Variants in MIGA1 observed in about 807,000 individuals in gnomAD.
MIGA1 encodes the protein family with sequence similarity 73, member A.
Under a neutral mutation model 82.0 loss-of-function variants are expected in MIGA1, and 58 were observed. The ratio of observed to expected loss-of-function variants is 0.71; its 90% CI spans 0.57 to 0.88. The LOEUF (loss-of-function observed/expected upper bound fraction) is 0.88, where lower values mean the gene tolerates loss of function less well. Among genes scored for constraint, MIGA1 ranks in the 40% least tolerant of loss-of-function variants. The pLI is 0.00. For missense variants in MIGA1, 751 were observed against 749.1 expected (o/e 1.00, Z -0.03); for synonymous variants, 249 against 253.6 (o/e 0.98, Z 0.17).
chr1:77,810,936 A>G, intron 5 of MIGA1: 1 of 1,611,986 alleles, frequency 6.2e-7, no homozygotes, highest in Non-Finnish European at 8.5e-7. Context: ...TCTTTCTTTT[A>G]AAGTCAGTGG....
intron 2 of MIGA1, among the ~76,000 whole-genome samples, chr1:77,788,871 A>T (rs1211962177): frequency 6.6e-6 from 1 of 152,100 alleles, no homozygotes; most frequent in East Asian, 1.9e-4. Flanking sequence ...TTCTTTTTCA[A>T]GTTTATTTTG....
intron 8 of MIGA1, among the ~76,000 whole-genome samples, chr1:77,845,236 C>T (rs1352948872): frequency 6.6e-6 from 1 of 152,128 alleles, no homozygotes; most frequent in African/African-American, 2.4e-5. Context: ...TTGCAGTAGA[C>T]AGAATATATT....
In MIGA1 at chr1:77,783,362, GA is replaced by G; in HGVS notation, c.195+13del. On this transcript the variant is annotated intron_variant, in intron 2 of 15. Transcript: ENST00000370791. ...TATTCTCTCTCCCAGGTAAATAAAA[GA>G]AGCAAACAGGAAGTTGAATATTAAG... 6.8e-7 allele frequency: 1 copy of G among 1,479,864 alleles called. No homozygotes were observed. Among genetic ancestry groups the G allele is most frequent in the Non-Finnish European group, 9.3e-7 (1 of 1,072,814 alleles). The allele number at this position is 1,479,864 out of a possible 1,614,324, so 91.7% of individuals were successfully genotyped here. A position where few individuals can be genotyped will look rare whatever the true frequency, so the allele number is the denominator to read the frequency against.
rs1423039149 is a variant in MIGA1 at position 77,848,371 on chromosome 1, G to A, written c.996+4964G>A. ...GAGAAAGGAGAGAAGGAAGAGAAAA[G>A]CAAAGCAAAGGAAGAGCGTATGAAA... On this transcript the variant is annotated intron_variant, in intron 8 of 15. Transcript: ENST00000370791. The A allele has an allele frequency of 1.5e-5, 17 of 1,110,572 alleles. 1 individual carries two copies. In the East Asian group the frequency reaches 1.8e-4, roughly 12 times the overall value. The allele number at this position is 1,110,572 out of a possible 1,614,324, so 68.8% of individuals were successfully genotyped here.
intron 8 of MIGA1, among the ~76,000 whole-genome samples, chr1:77,858,191 A>G (rs1319195459): frequency 6.6e-6 from 1 of 152,118 alleles, no homozygotes; most frequent in Non-Finnish European, 1.5e-5. Flanking sequence ...TACTAAAAAT[A>G]CAAAAATTAG....
chr1:77,801,084 T>C (rs1682862324), intron 2 of MIGA1, among the ~76,000 whole-genome samples: 1 of 152,196 alleles, frequency 6.6e-6, no homozygotes, highest in Non-Finnish European at 1.5e-5. Flanking sequence ...AATTATTTTC[T>C]GCTCCTATTG....
At chr1:77,824,983 CTT>C (rs11375207) in intron 7 of MIGA1, among the ~76,000 whole-genome samples, 3 of 103,146 alleles carry the variant, frequency 2.9e-5, no homozygotes, top group Non-Finnish European at 5.7e-5. Flanking sequence ...TTCTATTCCT[CTT>C]TTTTTTTTTT....
intron 7 of MIGA1, among the ~76,000 whole-genome samples, chr1:77,816,698 A>G (rs187019093): frequency 1.3e-5 from 2 of 152,238 alleles, no homozygotes; most frequent in Non-Finnish European, 2.9e-5. Context: ...ATTACAGTCT[A>G]GAAAAAAAGT....
At position 77,843,332 on chromosome 1, in the gene MIGA1, G is replaced by A; in HGVS notation, c.921G>A (p.Lys307=). The A allele has an allele frequency of 6.2e-7, 1 of 1,613,652 alleles. No individual in the cohort carries two copies. Among genetic ancestry groups the A allele is most frequent in the South Asian group, 1.1e-5 (1 of 91,058 alleles). ...ATAAAGATACAGATATCACCATGAA[G>A]GGTAATGTGGAAGACTTTGGCCTGC... Residue 307 remains lysine, a synonymous_variant, in exon 8 of 16, where the codon AAG becomes AAA. Transcript: ENST00000370791.
At chr1:77,844,975 C>T (rs1017315852) in intron 8 of MIGA1, among the ~76,000 whole-genome samples, 1 of 152,172 alleles carries the variant, frequency 6.6e-6, no homozygotes, top group African/African-American at 2.4e-5. Context: ...GAGTGAGACT[C>T]TGTCTCACAC....
intron 1 of MIGA1, chr1:77,783,005 T>C (rs77514419): frequency 6.1e-6 from 1 of 162,778 alleles, no homozygotes; most frequent in Non-Finnish European, 1.2e-5. Flanking sequence ...TAAATCTAGC[T>C]TTTTTTTTTT....
At chr1:77,847,695 C>A (rs975908786) in intron 8 of MIGA1, 24 of 1,579,886 alleles carry the variant, frequency 1.5e-5, no homozygotes, top group Non-Finnish European at 2.1e-5. Context: ...TAGACACTTA[C>A]TAAATCAAGC....
At chr1:77,794,319 G>C (rs1039556944) in intron 2 of MIGA1, among the ~76,000 whole-genome samples, 1 of 151,956 alleles carries the variant, frequency 6.6e-6, no homozygotes, top group Non-Finnish European at 1.5e-5. Context: ...TATCCTTCAG[G>C]ATCTTATCTA....
In MIGA1 at chr1:77,840,547, C is replaced by G. The variant is rs140562228; in HGVS notation, c.896-2760C>G. On this transcript the variant is annotated intron_variant, in intron 7 of 15. Coordinates refer to ENST00000370791, the MANE Select transcript of MIGA1 (RefSeq NM_198549.4). ...CGGCCGGGTGCAGTGGCTCTCACAC[C>G]TGTAATCCCAGTACTTTAGGAGGCG... 4.7e-3 allele frequency among the ~76,000 whole-genome samples: 709 copies of G among 152,232 alleles called. 5 individuals carry two copies. The highest frequency in any genetic ancestry group is 0.016 in the African/African-American group (676 of 41,538).
chr1:77,782,071 A>T (rs542945947), intron 1 of MIGA1, among the ~76,000 whole-genome samples: 2 of 152,012 alleles, frequency 1.3e-5, no homozygotes, highest in African/African-American at 4.8e-5. Flanking sequence ...GACTCAAGCA[A>T]TCCACCCATC....
chr1:77,792,015 T>C (rs1469768051), intron 2 of MIGA1, among the ~76,000 whole-genome samples: 1 of 152,228 alleles, frequency 6.6e-6, no homozygotes, highest in African/African-American at 2.4e-5. Context: ...TGTTCTAATA[T>C]AACTGAACAA....
intron 7 of MIGA1, 86 bp downstream of exon 7, chr1:77,815,317 T>A: frequency 2.7e-6 from 3 of 1,102,744 alleles, no homozygotes; most frequent in South Asian, 2.9e-5. Flanking sequence ...GTCTGTCTTA[T>A]GTAATAATAG....
chr1:77,813,917 T>C, intron 6 of MIGA1, 50 bp downstream of exon 6: 2 of 1,532,676 alleles, frequency 1.3e-6, no homozygotes, highest in Non-Finnish European at 1.8e-6. Flanking sequence ...AGAATCAAAC[T>C]TTTTTTTTGT....
At chr1:77,805,461 C>CTTTTTTTTTT (rs11408292) in intron 4 of MIGA1, among the ~76,000 whole-genome samples, 369 of 109,438 alleles carry the variant, frequency 3.4e-3, no homozygotes, top group Middle Eastern at 6.9e-3. Flanking sequence ...TATGCCTATT[C>CTTTTTTTTTT]TTTTTTTTTT....
Sources: gnomAD v4.1 joint callset for allele counts (sites outside exome capture counted in the v4.1 genomes callset) on GRCh38, gnomAD v4.1.1 for gene constraint, MANE v1.5 for transcripts, NCBI Gene and HGNC (gene_info 2026-07-23, HGNC 2026-07-21) for gene names.